Variants in CACNA2D3 observed in about 807,000 individuals in gnomAD.
CACNA2D3 encodes the protein calcium voltage-gated channel auxiliary subunit alpha2delta 3.
A neutral mutation model predicts 160.6 loss-of-function variants in CACNA2D3; 60 were observed. That is an observed-to-expected ratio of 0.37 (90% CI 0.30 to 0.46). The LOEUF (loss-of-function observed/expected upper bound fraction) is 0.46, where lower values mean the gene tolerates loss of function less well. Ranked by LOEUF, CACNA2D3 falls within the 20% of genes least tolerant of loss-of-function variation. The pLI, the probability that CACNA2D3 is intolerant of heterozygous loss-of-function variation, is 1.00. For synonymous variants in CACNA2D3, 558 were observed against 492.9 expected, an observed-to-expected ratio of 1.13 and a Z score of -1.75; for missense variants, 1,205 against 1,365.0, an observed-to-expected ratio of 0.88 and a Z score of 1.85.
intron 21 of CACNA2D3, 130 bp downstream of exon 21, chr3:54,880,993 C>A: frequency 1.3e-6 from 1 of 750,474 alleles, no homozygotes; most frequent in Non-Finnish European, 2.4e-6. Context: ...TCCACTCAAA[C>A]GAATGCCTAC....
intron 26 of CACNA2D3, among the ~76,000 whole-genome samples, chr3:54,897,155 T>C (rs1700210645): frequency 6.6e-6 from 1 of 152,244 alleles, no homozygotes; most frequent in Non-Finnish European, 1.5e-5. Context: ...GTCAGTCAGT[T>C]TTTTTAAATG....
At chr3:55,003,428 C>T (rs1164132073) in intron 31 of CACNA2D3, among the ~76,000 whole-genome samples, 1 of 151,924 alleles carries the variant, frequency 6.6e-6, no homozygotes, top group Non-Finnish European at 1.5e-5. Flanking sequence ...CCCATCATCC[C>T]CTGAAGGTTT....
intron 14 of CACNA2D3, among the ~76,000 whole-genome samples, chr3:54,821,323 CCCGA>C (rs1246014074): frequency 2.0e-5 from 3 of 152,150 alleles, no homozygotes; most frequent in Non-Finnish European, 4.4e-5. Flanking sequence ...TGTTTAATAG[CCCGA>C]CTGCGTGTTT....
chr3:54,928,307 A>G (rs1701086051), intron 27 of CACNA2D3, among the ~76,000 whole-genome samples: 1 of 152,086 alleles, frequency 6.6e-6, no homozygotes, highest in Non-Finnish European at 1.5e-5. Flanking sequence ...TGATTATTTA[A>G]TCTGCTTGAA....
chr3:54,177,540 A>G (rs1191178996), intron 2 of CACNA2D3, among the ~76,000 whole-genome samples: 1 of 152,140 alleles, frequency 6.6e-6, no homozygotes, highest in Non-Finnish European at 1.5e-5. Context: ...GGCTTTGGTG[A>G]ATTATCCTGC....
chr3:54,647,699 G>A (rs1384872057), intron 11 of CACNA2D3, among the ~76,000 whole-genome samples: 1 of 152,218 alleles, frequency 6.6e-6, no homozygotes, highest in African/African-American at 2.4e-5. Context: ...ATCCAACAGG[G>A]CCTTGCTCCA....
chr3:54,492,141 T>C (rs1701120491), intron 4 of CACNA2D3, among the ~76,000 whole-genome samples: 1 of 152,164 alleles, frequency 6.6e-6, no homozygotes, highest in Non-Finnish European at 1.5e-5. Flanking sequence ...AGCAATGGAT[T>C]CCTTTCCCTG....
At chr3:54,601,742 A>G (rs1417042722) in intron 9 of CACNA2D3, among the ~76,000 whole-genome samples, 1 of 151,990 alleles carries the variant, frequency 6.6e-6, no homozygotes, top group South Asian at 2.1e-4. Context: ...ATGTCATTAC[A>G]TGAAACTTCA....
intron 2 of CACNA2D3, among the ~76,000 whole-genome samples, chr3:54,290,364 A>G (rs1176650500): frequency 6.6e-6 from 1 of 152,316 alleles, no homozygotes; most frequent in African/African-American, 2.4e-5. Flanking sequence ...TTGAGATACC[A>G]TCTCACACCG....
chr3:55,074,397 C>G lies in CACNA2D3; in HGVS notation c.*191C>G, dbSNP rs1422458508. 3.5e-6 allele frequency: 2 copies of G among 566,250 alleles called. No individual in the cohort carries two copies. The highest frequency in any genetic ancestry group is 3.8e-5 in the African/African-American group (2 of 52,624). The allele number at this position is 566,250 out of a possible 1,614,324, so 35.1% of individuals were successfully genotyped here. A position where few individuals can be genotyped will look rare whatever the true frequency, so the allele number is the denominator to read the frequency against. Reference sequence around the variant, plus strand: ...ATGTTGACAAAAAGTTATCTATCATCTTTTTACTTTGCCAGTCATGCAAAT... The same window carrying G: ...ATGTTGACAAAAAGTTATCTATCATGTTTTTACTTTGCCAGTCATGCAAAT... On this transcript the variant is annotated 3_prime_UTR_variant, in exon 38 of 38. Transcript: ENST00000474759.
chr3:54,459,053 G>A (rs1575466487), intron 4 of CACNA2D3, among the ~76,000 whole-genome samples: 2 of 152,114 alleles, frequency 1.3e-5, no homozygotes, highest in South Asian at 2.1e-4. Context: ...ATAGTTTACT[G>A]AGAATGATGA....
At chr3:54,810,983 T>TGG (rs1175082239) in intron 13 of CACNA2D3, among the ~76,000 whole-genome samples, 1 of 152,212 alleles carries the variant, frequency 6.6e-6, no homozygotes, top group East Asian at 1.9e-4. Context: ...TTGCCTGCGC[T>TGG]GGTCCCATCT....
chr3:54,951,215 C>T (rs1701748216), intron 27 of CACNA2D3, among the ~76,000 whole-genome samples: 1 of 152,160 alleles, frequency 6.6e-6, no homozygotes, highest in South Asian at 2.1e-4. Flanking sequence ...GCTTGTGCTG[C>T]ACTTTGGTGC....
chr3:54,683,128 A>G (rs1362102203), intron 11 of CACNA2D3, among the ~76,000 whole-genome samples: 14 of 152,222 alleles, frequency 9.2e-5, no homozygotes, highest in South Asian at 8.3e-4. Context: ...GGAATGAGAT[A>G]TAACTAGAAA....
chr3:54,521,319 T>A (rs1488871271), intron 5 of CACNA2D3, among the ~76,000 whole-genome samples: 1 of 152,242 alleles, frequency 6.6e-6, no homozygotes, highest in East Asian at 1.9e-4. Flanking sequence ...CTTCTTTTTA[T>A]GTGCTTATTG....
rs144317791 is a variant in CACNA2D3, at chr3:54,271,723, A to G, written c.205-48719A>G. On this transcript the variant is annotated intron_variant, in intron 2 of 37. Transcript: ENST00000474759. ...TCTCTCTGGCTCTCCCTGGAGTTGTATGCAGTTCCAAGGACCTACATAGAG... is the reference window on the plus strand; with the variant it reads ...TCTCTCTGGCTCTCCCTGGAGTTGTGTGCAGTTCCAAGGACCTACATAGAG... 2.7e-4 allele frequency among the ~76,000 whole-genome samples: 41 copies of G among 152,304 alleles called. 1 individual carries two copies. The highest frequency in any genetic ancestry group is 1.8e-3 in the Admixed American group (27 of 15,308).
At chr3:54,235,496 G>A (rs1203244451) in intron 2 of CACNA2D3, among the ~76,000 whole-genome samples, 1 of 152,166 alleles carries the variant, frequency 6.6e-6, no homozygotes, top group Non-Finnish European at 1.5e-5. Flanking sequence ...ACCAGACCTC[G>A]TGAGCACTCA....
chr3:54,652,750 T>G (rs1194822347), intron 11 of CACNA2D3, among the ~76,000 whole-genome samples: 1 of 148,458 alleles, frequency 6.7e-6, no homozygotes, highest in Non-Finnish European at 1.5e-5. Flanking sequence ...TGTTGGGATG[T>G]GATCCAAGGG....
rs904367576 is a variant in CACNA2D3, at chr3:54,570,493, C to T, written c.888+389C>T. Among the ~76,000 whole-genome samples the T allele has an allele frequency of 8.6e-5, 13 of 151,382 alleles. No homozygotes were observed. In the East Asian group the frequency reaches 1.8e-3, roughly 21 times the overall value. On this transcript the variant is annotated intron_variant, in intron 8 of 37. Coordinates refer to ENST00000474759, the MANE Select transcript of CACNA2D3 (RefSeq NM_018398.3). ...AGCTAGGTTAGCCTGATGATATTGA[C>T]GATGATAATAATTGATAATAATAAT...
Sources: allele counts gnomAD v4.1 joint callset (sites outside exome capture counted in the v4.1 genomes callset), GRCh38; gene constraint gnomAD v4.1.1; transcripts MANE v1.5; gene names NCBI Gene and HGNC (gene_info 2026-07-23, HGNC 2026-07-21).